The following SORCS3 variants were observed in gnomAD, a reference collection of about 807,000 sequenced individuals.
SORCS3 encodes the protein VPS10 domain-containing receptor SorCS3.
SORCS3 carries 57 observed loss-of-function variants against 146.3 expected under a neutral mutation model. That is an observed-to-expected ratio of 0.39 (90% confidence interval 0.31 to 0.49). SORCS3 has a LOEUF of 0.49. SORCS3 is among the 20% of genes least tolerant of loss of function. The probability of loss-of-function intolerance (pLI) is 0.92; values close to 1 mark genes in which losing one functional copy is unlikely to be tolerated. For synonymous variants in SORCS3, 653 were observed against 618.5 expected, an observed-to-expected ratio of 1.06 and a Z score of -0.83; for missense variants, 1,341 against 1,575.5, an observed-to-expected ratio of 0.85 and a Z score of 2.52.
intron 1 of SORCS3, among the ~76,000 whole-genome samples, chr10:104,837,870 T>C (rs993195794): frequency 1.3e-5 from 2 of 152,178 alleles, no homozygotes; most frequent in South Asian, 4.1e-4. Context: ...CATAAACACT[T>C]ACTGAGTAGA....
intron 1 of SORCS3, among the ~76,000 whole-genome samples, chr10:104,783,870 AT>A (rs1564682603): frequency 6.6e-6 from 1 of 152,194 alleles, no homozygotes; most frequent in Admixed American, 6.5e-5. Context: ...CTAGAGGTGT[AT>A]TTGTAATTTT....
At chr10:105,225,101 C>T (rs1350258773) in intron 20 of SORCS3, among the ~76,000 whole-genome samples, 1 of 152,032 alleles carries the variant, frequency 6.6e-6, no homozygotes, top group African/African-American at 2.4e-5. Flanking sequence ...TCCAGCTTAT[C>T]AGTTCTTTTT....
In SORCS3 at chr10:105,262,179, A is replaced by G. The variant is rs531926646; in HGVS notation, c.3444-152A>G. The G allele has an allele frequency of 6.7e-5, 43 of 646,258 alleles. 1 individual carries two copies. The South Asian group carries it at 9.7e-4, about 15-fold the overall frequency. 40.0% of individuals were successfully genotyped at this position (646,258 alleles called of 1,614,324 possible). On this transcript the variant is annotated intron_variant, in intron 25 of 26. Coordinates refer to ENST00000369701, the MANE Select transcript of SORCS3 (RefSeq NM_014978.3). The stretch of plus-strand genomic sequence containing the variant: ...CTGGCTTTGTGTTCCTTGACCTTGT[A>G]GCCTCATTGTCTCTGGGGTTACCAA...
chr10:104,748,545 C>T (rs1044888261), intron 1 of SORCS3, among the ~76,000 whole-genome samples: 1 of 152,086 alleles, frequency 6.6e-6, no homozygotes, highest in Non-Finnish European at 1.5e-5. Flanking sequence ...AAATCCAGGC[C>T]TCAGGGATAG....
rs142925769 is a variant in SORCS3 at position 105,242,214 on chromosome 10, C to T, written c.2869-3328C>T. Among the ~76,000 whole-genome samples the T allele has an allele frequency of 4.0e-3, 578 of 145,196 alleles. 7 individuals carry two copies. The highest frequency in any genetic ancestry group is 0.014 in the African/African-American group (550 of 39,492). On this transcript the variant is annotated intron_variant, in intron 20 of 26. Transcript: ENST00000369701. The stretch of plus-strand genomic sequence containing the variant: ...TATATGAGTCCTAATTGTCCTGCAT[C>T]TTCAATATTACTTGTTATCATTTAT...
intron 1 of SORCS3, among the ~76,000 whole-genome samples, chr10:104,817,450 CCTT>C (rs1242305401): frequency 1.2e-5 from 1 of 84,010 alleles, no homozygotes; most frequent in Non-Finnish European, 2.5e-5. Flanking sequence ...TCCCCCTTCT[CCTT>C]CTTCCTCCTC....
intron 1 of SORCS3, among the ~76,000 whole-genome samples, chr10:104,817,534 C>G (rs1304339124): frequency 1.9e-4 from 8 of 41,784 alleles, no homozygotes; most frequent in African/African-American, 7.6e-4. Flanking sequence ...CCGCTTCCCC[C>G]TCCTCCTCTT....
chr10:105,185,615 A>T (rs566684013), intron 14 of SORCS3, among the ~76,000 whole-genome samples: 228 of 152,344 alleles, frequency 1.5e-3, no homozygotes, highest in African/African-American at 5.3e-3. Flanking sequence ...ACATTTAAGA[A>T]ATACAGAATA....
At chr10:104,923,573 C>G (rs2019109560) in intron 3 of SORCS3, among the ~76,000 whole-genome samples, 1 of 152,166 alleles carries the variant, frequency 6.6e-6, no homozygotes, top group African/African-American at 2.4e-5. Context: ...CACGCATTAC[C>G]CAGGGACGCT....
chr10:104,694,822 CACTT>C (rs1231247139), intron 1 of SORCS3, among the ~76,000 whole-genome samples: 2 of 152,202 alleles, frequency 1.3e-5, no homozygotes, highest in African/African-American at 2.4e-5. Flanking sequence ...GAAGACACCT[CACTT>C]ACAGGGTTTT....
At chr10:104,810,654 T>G (rs2017729872) in intron 1 of SORCS3, among the ~76,000 whole-genome samples, 1 of 152,208 alleles carries the variant, frequency 6.6e-6, no homozygotes, top group Non-Finnish European at 1.5e-5. Flanking sequence ...TACATAGTCT[T>G]AGAAGTGGAA....
At chr10:104,822,967 C>T (rs899449640) in intron 1 of SORCS3, among the ~76,000 whole-genome samples, 1 of 152,096 alleles carries the variant, frequency 6.6e-6, no homozygotes, top group Non-Finnish European at 1.5e-5. Flanking sequence ...AGGACCTAGA[C>T]CAAGGCCAAC....
chr10:105,125,708 C>A (rs911192015), intron 7 of SORCS3, among the ~76,000 whole-genome samples: 12 of 151,628 alleles, frequency 7.9e-5, no homozygotes, highest in Non-Finnish European at 1.3e-4. Context: ...CACACACACA[C>A]AAAACAGGCA....
intron 1 of SORCS3, among the ~76,000 whole-genome samples, chr10:104,669,633 G>A (rs1015473644): frequency 3.9e-5 from 6 of 151,982 alleles, no homozygotes; most frequent in African/African-American, 9.7e-5. Flanking sequence ...TTATCCATTC[G>A]TCTGTTGATG....
chr10:104,906,150 C>T (rs1190780601), intron 2 of SORCS3, among the ~76,000 whole-genome samples: 3 of 152,180 alleles, frequency 2.0e-5, no homozygotes, highest in Admixed American at 2.0e-4. Context: ...AAATGATAAA[C>T]ATATTTATTT....
chr10:105,048,176 A>C (rs1386505583), intron 5 of SORCS3, among the ~76,000 whole-genome samples: 2 of 151,492 alleles, frequency 1.3e-5, no homozygotes, highest in African/African-American at 4.9e-5. Context: ...CAGCAATCCC[A>C]TTACTGGGTA....
At chr10:104,781,685 T>C (rs2017376043) in intron 1 of SORCS3, among the ~76,000 whole-genome samples, 1 of 152,262 alleles carries the variant, frequency 6.6e-6, no homozygotes, top group Admixed American at 6.5e-5. Flanking sequence ...TACTGTATCA[T>C]TGTGCCTTGC....
At chr10:105,098,781 A>G (rs2055764099) in intron 6 of SORCS3, among the ~76,000 whole-genome samples, 1 of 152,248 alleles carries the variant, frequency 6.6e-6, no homozygotes, top group African/African-American at 2.4e-5. Context: ...CATTGTCATC[A>G]TGATCTTCAT....
chr10:104,941,816 TA>T (rs56801988), intron 3 of SORCS3, among the ~76,000 whole-genome samples: 32,614 of 150,548 alleles, frequency 0.22, 4,002 homozygotes, highest in African/African-American at 0.34. Flanking sequence ...CAAAGCAAAG[TA>T]AAAAAAAAAG....
Sources: gnomAD v4.1 joint callset for allele counts (sites outside exome capture counted in the v4.1 genomes callset) on GRCh38, gnomAD v4.1.1 for gene constraint, MANE v1.5 for transcripts, NCBI Gene and HGNC (gene_info 2026-07-23, HGNC 2026-07-21) for gene names.